Variants in FBXO11 observed in about 807,000 individuals in gnomAD.
The protein encoded by FBXO11 is F-box only protein 11.
A neutral mutation model predicts 117.0 loss-of-function variants in FBXO11; 13 were observed. That is an observed-to-expected ratio of 0.11 (90% CI 0.07 to 0.18). The LOEUF is 0.18. Among genes scored for constraint, FBXO11 ranks in the 10% least tolerant of loss-of-function variants. FBXO11 has a pLI of 1.00. For synonymous variants in FBXO11, 490 were observed against 380.5 expected, an observed-to-expected ratio of 1.29 and a Z score of -3.35; for missense variants, 767 against 1,164.4, an observed-to-expected ratio of 0.66 and a Z score of 4.97.
intron 8 of FBXO11, 39 bp downstream of exon 8, chr2:47,832,925 A>C (rs116262759): frequency 1.7e-3 from 2,661 of 1,604,330 alleles, no homozygotes; most frequent in Non-Finnish European, 2.1e-3. Context: ...TACTGCCTTT[A>C]TGATTTCAAT....
intron 1 of FBXO11, among the ~76,000 whole-genome samples, chr2:47,874,360 T>C (rs1675840841): frequency 6.6e-6 from 1 of 152,156 alleles, no homozygotes. Context: ...ACCCTCAACA[T>C]ACCATTTACT....
intron 20 of FBXO11, 124 bp downstream of exon 20, chr2:47,809,476 C>A (rs1670463470): frequency 2.6e-6 from 2 of 771,822 alleles, no homozygotes; most frequent in Non-Finnish European, 2.1e-6. Context: ...CTGTTTCTTT[C>A]AAAATCTATC....
intron 1 of FBXO11, among the ~76,000 whole-genome samples, chr2:47,870,125 C>G (rs1008532273): frequency 6.6e-6 from 1 of 152,244 alleles, no homozygotes; most frequent in Admixed American, 6.5e-5. Context: ...CGGTGTTCAT[C>G]TGTACCATCA....
At chr2:47,832,208 T>G (rs181530829) in intron 11 of FBXO11, 141 bp downstream of exon 11, 2 of 635,154 alleles carry the variant, frequency 3.1e-6, no homozygotes, top group Non-Finnish European at 5.1e-6. Context: ...TCATATTAAT[T>G]TTAAAAAATA....
At chr2:47,861,663 C>A (rs1483415410) in intron 1 of FBXO11, among the ~76,000 whole-genome samples, 3 of 152,062 alleles carry the variant, frequency 2.0e-5, no homozygotes, top group South Asian at 2.1e-4. Flanking sequence ...CAGGTCCAAG[C>A]CAATGTGGCC....
At chr2:47,901,185 G>A (rs1375053818) in intron 1 of FBXO11, among the ~76,000 whole-genome samples, 2 of 132,374 alleles carry the variant, frequency 1.5e-5, no homozygotes. Context: ...ATATATGTGG[G>A]TACATATATA....
intron 7 of FBXO11, among the ~76,000 whole-genome samples, chr2:47,834,093 T>C (rs1024288558): frequency 6.6e-6 from 1 of 152,206 alleles, no homozygotes; most frequent in Non-Finnish European, 1.5e-5. Context: ...CTCATGTCTG[T>C]AATCCCCGCA....
intron 1 of FBXO11, among the ~76,000 whole-genome samples, chr2:47,852,675 G>C (rs1326460697): frequency 6.6e-6 from 1 of 152,146 alleles, no homozygotes; most frequent in African/African-American, 2.4e-5. Context: ...TGATAATAAT[G>C]ATAGTAATTC....
At chr2:47,809,002 T>TA in intron 21 of FBXO11, 156 bp downstream of exon 21, 1 of 538,646 alleles carries the variant, frequency 1.9e-6, no homozygotes, top group Admixed American at 3.7e-5. Context: ...TACCCACAGT[T>TA]ACAGTCTTAA....
intron 16 of FBXO11, among the ~76,000 whole-genome samples, chr2:47,816,531 G>C (rs1319471447): frequency 6.6e-6 from 1 of 152,066 alleles, no homozygotes; most frequent in Non-Finnish European, 1.5e-5. Context: ...CCTTTCCAGA[G>C]GTTTTCAATT....
At chr2:47,854,599 G>C (rs1363448599) in intron 1 of FBXO11, among the ~76,000 whole-genome samples, 5 of 152,160 alleles carry the variant, frequency 3.3e-5, no homozygotes, top group Admixed American at 3.3e-4. Context: ...CCTGCAAAAT[G>C]AGAGGGACAA....
chr2:47,818,747 C>T (rs1321816089), intron 16 of FBXO11, 32 bp downstream of exon 16: 1 of 1,517,154 alleles, frequency 6.6e-7, no homozygotes, highest in African/African-American at 1.4e-5. Context: ...CTAACTCCCT[C>T]CCAAAAGATA....
At chr2:47,834,530 AT>A (rs1306152100) in intron 7 of FBXO11, 48 bp downstream of exon 7, 10 of 1,421,808 alleles carry the variant, frequency 7.0e-6, no homozygotes, top group Non-Finnish European at 8.5e-6. Flanking sequence ...ATCCTATCAC[AT>A]AAATGAGTAA....
intron 1 of FBXO11, among the ~76,000 whole-genome samples, chr2:47,876,732 T>C (rs1172963950): frequency 6.6e-6 from 1 of 152,202 alleles, no homozygotes; most frequent in Non-Finnish European, 1.5e-5. Context: ...AAATTTATCC[T>C]GGTAAGCAAC....
chr2:47,813,123 G>C, intron 18 of FBXO11, 111 bp downstream of exon 18: 1 of 1,106,128 alleles, frequency 9.0e-7, no homozygotes, highest in Non-Finnish European at 1.4e-6. Context: ...TAAGGAAAAA[G>C]ACTTGAGATT....
chr2:47,834,901 T>C, intron 5 of FBXO11, 30 bp from the exon 6 acceptor site: 1 of 1,482,706 alleles, frequency 6.7e-7, no homozygotes, highest in Non-Finnish European at 9.4e-7. Flanking sequence ...ACAAAACCAT[T>C]GACTACTAAC....
chr2:47,904,341 T>G (rs889439104), intron 1 of FBXO11, among the ~76,000 whole-genome samples: 2 of 152,106 alleles, frequency 1.3e-5, no homozygotes, highest in Admixed American at 1.3e-4. Flanking sequence ...TGCGAACAGC[T>G]AATTAATAAA....
At chr2:47,844,043 G>C (rs1023111036) in intron 1 of FBXO11, among the ~76,000 whole-genome samples, 17 of 151,958 alleles carry the variant, frequency 1.1e-4, no homozygotes, top group Admixed American at 3.3e-4. Flanking sequence ...GCCTGGCCTA[G>C]ATTTGCTTAT....
intron 1 of FBXO11, among the ~76,000 whole-genome samples, chr2:47,844,192 GTTTC>G (rs1330049342): frequency 2.0e-5 from 3 of 152,096 alleles, no homozygotes; most frequent in African/African-American, 7.2e-5. Flanking sequence ...AAGTTTTACT[GTTTC>G]TTTTTCACAC....
Sources: gnomAD v4.1 joint callset for allele counts (sites outside exome capture counted in the v4.1 genomes callset) on GRCh38, gnomAD v4.1.1 for gene constraint, MANE v1.5 for transcripts, NCBI Gene and HGNC (gene_info 2026-07-23, HGNC 2026-07-21) for gene names.